The following EML2 variants were observed in gnomAD, a reference collection of about 807,000 sequenced individuals.
EML2 encodes echinoderm microtubule-associated protein-like 2.
Under a neutral mutation model 84.7 loss-of-function variants are expected in EML2, and 59 were observed. That is an observed-to-expected ratio of 0.70 (90% CI 0.56 to 0.86). The LOEUF is 0.86. Ranked by LOEUF, EML2 falls within the 40% of genes least tolerant of loss-of-function variation. EML2 has a pLI of 0.00. For synonymous variants in EML2, 352 were observed against 348.9 expected, an observed-to-expected ratio of 1.01 and a Z score of -0.10; for missense variants, 818 against 855.6, an observed-to-expected ratio of 0.96 and a Z score of 0.55.
chr19:45,619,238 T>C (rs1971430539), intron 11 of EML2, 47 bp from the exon 12 acceptor site: 6 of 1,573,660 alleles, frequency 3.8e-6, no homozygotes, highest in Non-Finnish European at 5.2e-6. Flanking sequence ...GCCCTGGCCT[T>C]TTCCCACTCA....
chr19:45,620,956 G>T (rs1173361414), intron 11 of EML2: 1 of 611,074 alleles, frequency 1.6e-6, no homozygotes, highest in African/African-American at 1.8e-5. Context: ...CCAACCTGAA[G>T]GGTGCCACCC....
chr19:45,632,627 C>A (rs757541738), intron 6 of EML2: 1 of 522,752 alleles, frequency 1.9e-6, no homozygotes, highest in Middle Eastern at 5.3e-4. Flanking sequence ...TGCAAATGGG[C>A]AAGGACCAGC....
At chr19:45,631,884 ATT>A (rs755529171) in intron 6 of EML2, among the ~76,000 whole-genome samples, 9 of 90,328 alleles carry the variant, frequency 1.0e-4, no homozygotes, top group Admixed American at 4.3e-4. Flanking sequence ...GCTAATTAGA[ATT>A]TTTTTTTTTT....
intron 18 of EML2, among the ~76,000 whole-genome samples, chr19:45,611,141 GGCTCAC>G (rs1374528065): frequency 6.6e-6 from 1 of 152,144 alleles, no homozygotes; most frequent in Non-Finnish European, 1.5e-5. Context: ...TGGGCGTGGT[GGCTCAC>G]GCCTATAATC....
intron 3 of EML2, among the ~76,000 whole-genome samples, chr19:45,636,940 A>G (rs923445537): frequency 6.6e-6 from 1 of 152,260 alleles, no homozygotes; most frequent in South Asian, 2.1e-4. Context: ...CAAAAACAAG[A>G]AAATATCTGA....
At chr19:45,635,464 C>T (rs1168513216) in intron 3 of EML2, among the ~76,000 whole-genome samples, 3 of 151,802 alleles carry the variant, frequency 2.0e-5, no homozygotes, top group Non-Finnish European at 4.4e-5. Flanking sequence ...GCATCACACA[C>T]ACTGGCTGAG....
At chr19:45,618,820 A>C (rs1971371419) in intron 12 of EML2, 2 of 261,782 alleles carry the variant, frequency 7.6e-6, no homozygotes, top group Non-Finnish European at 1.5e-5. Context: ...GGTGGTGTGC[A>C]CCTGTAATCC....
At chr19:45,645,206 G>A, upstream of EML2, 1 of 1,479,312 alleles carries the variant, frequency 6.8e-7, no homozygotes, top group South Asian at 1.3e-5. Context: ...CAAGGAGGAG[G>A]CTGGGGCAAG....
upstream of EML2, chr19:45,643,808 T>G: frequency 6.9e-7 from 1 of 1,442,354 alleles, no homozygotes; most frequent in Non-Finnish European, 9.1e-7. Flanking sequence ...ACTCAGCGCC[T>G]CCCAGGTCCG....
chr19:45,617,679 C>G lies in EML2; in HGVS notation c.1273G>C (p.Gly425Arg). The G allele has an allele frequency of 6.2e-7, 1 of 1,613,730 alleles. No individual in the cohort carries two copies. Among genetic ancestry groups the G allele is most frequent in the Non-Finnish European group, 8.5e-7 (1 of 1,179,836 alleles). ...RIIEDPARSA[G>R]FHPSGSVLAV... Reference sequence around the variant, plus strand: ...AGGACAGAGCCACTGGGGTGGAAGCCGGCTGAGCGGGCAGGGTCCTGAGAA... The same window carrying G: ...AGGACAGAGCCACTGGGGTGGAAGCGGGCTGAGCGGGCAGGGTCCTGAGAA... Residue 425 changes from glycine to arginine, a missense_variant, in exon 13 of 19, where the codon GGC (glycine) becomes CGC (arginine). Coordinates refer to ENST00000245925, the MANE Select transcript of EML2 (RefSeq NM_012155.4).
At chr19:45,616,931 G>T in intron 13 of EML2, 78 bp from the exon 14 acceptor site, 1 of 1,118,182 alleles carries the variant, frequency 8.9e-7, no homozygotes, top group Non-Finnish European at 1.3e-6. Context: ...TGGGGTCTAA[G>T]GGAGGGATCA....
chr19:45,632,533 G>A (rs565626203), intron 6 of EML2: 11 of 252,774 alleles, frequency 4.4e-5, no homozygotes, highest in Admixed American at 2.0e-4. Context: ...GGATGTTGTG[G>A]TGTTGTCAAA....
Position 45,617,973 on chromosome 19 carries a change from C to T in EML2, c.1255-276G>A, listed in dbSNP as rs146123384. ...TTCCCACAGCTTTATTCATCCAAGA[C>T]GACTTCTTTAGATAATTTCCTAGAT... On this transcript the variant is annotated intron_variant, in intron 12 of 18. Transcript: ENST00000245925. Among the ~76,000 whole-genome samples, 396 of 152,280 alleles carry T rather than the reference C, an allele frequency of 2.6e-3. 1 individual carries two copies. The highest frequency in any genetic ancestry group is 9.3e-3 in the African/African-American group (386 of 41,548).
intron 15 of EML2, chr19:45,616,193 G>A (rs1971041884): frequency 3.6e-6 from 2 of 553,954 alleles, no homozygotes; most frequent in Non-Finnish European, 3.2e-6. Flanking sequence ...GCTACACAGA[G>A]GGGCGGTCTC....
chr19:45,642,409 G>C, upstream of EML2: 1 of 1,500,862 alleles, frequency 6.7e-7, no homozygotes, highest in Non-Finnish European at 8.9e-7. Context: ...GTGCCCAAGG[G>C]GTCCCTCCCG....
At position 45,638,889 on chromosome 19, in the gene EML2, A is replaced by T; in HGVS notation, c.21-16T>A. The T allele has an allele frequency of 6.2e-7, 1 of 1,613,814 alleles. No individual in the cohort carries two copies. The highest frequency in any genetic ancestry group is 8.5e-7 in the Non-Finnish European group (1 of 1,179,984). ...TTTGGTTTTGCTGTCAGGAAAGGACAAAGAAAAAAAAAGGGTCTTAGTATT... is the reference window on the plus strand; with the variant it reads ...TTTGGTTTTGCTGTCAGGAAAGGACTAAGAAAAAAAAAGGGTCTTAGTATT... On this transcript the variant is annotated splice_polypyrimidine_tract_variant and intron_variant, in intron 1 of 18. Transcript: ENST00000245925.
At chr19:45,643,576 T>C (rs1974792474), upstream of EML2, 1 of 1,535,796 alleles carries the variant, frequency 6.5e-7, no homozygotes, top group Admixed American at 2.0e-5. Flanking sequence ...AGAATACTCA[T>C]ACCCAGACTC....
chr19:45,620,684 G>A (rs1293781657), intron 11 of EML2: 2 of 185,386 alleles, frequency 1.1e-5, no homozygotes, highest in Admixed American at 5.4e-5. Flanking sequence ...CTGCAGCCTG[G>A]GCAACAGAGC....
intron 7 of EML2, 121 bp from the exon 8 acceptor site, chr19:45,626,960 C>CTTTTTTTT: frequency 3.8e-6 from 2 of 527,624 alleles, no homozygotes; most frequent in Non-Finnish European, 2.8e-6. Flanking sequence ...CTGAACTTTT[C>CTTTTTTTT]TTTTTTTTTT....
Sources: allele counts gnomAD v4.1 joint callset (sites outside exome capture counted in the v4.1 genomes callset), GRCh38; gene constraint gnomAD v4.1.1; transcripts MANE v1.5; gene names NCBI Gene and HGNC (gene_info 2026-07-23, HGNC 2026-07-21).